The following RNF213 variants were observed in gnomAD, a reference collection of about 807,000 sequenced individuals.
RNF213 encodes E3 ubiquitin-protein ligase RNF213.
In RNF213, 341 loss-of-function variants were observed where a neutral mutation model predicts 514.4. The ratio of observed to expected loss-of-function variants is 0.66; its 90% confidence interval spans 0.61 to 0.73. RNF213 has a LOEUF of 0.73. RNF213 is among the 30% of genes least tolerant of loss of function. The probability of loss-of-function intolerance (pLI) is 0.00; values close to 1 mark genes in which losing one functional copy is unlikely to be tolerated. For synonymous variants in RNF213, 2,655 were observed against 2,658.2 expected (o/e 1.00, Z 0.04); for missense variants, 5,767 against 6,615.6 (o/e 0.87, Z 4.45).
At chr17:80,319,078 G>T (rs2046048314) in intron 16 of RNF213, 112 bp from the exon 17 acceptor site, 2 of 1,604,400 alleles carry the variant, frequency 1.2e-6, no homozygotes, top group African/African-American at 1.3e-5. Context: ...TTAAAATTGG[G>T]GGAAACAGTA....
intron 3 of RNF213, among the ~76,000 whole-genome samples, chr17:80,283,957 C>T (rs921690582): frequency 3.9e-5 from 6 of 152,220 alleles, no homozygotes; most frequent in Admixed American, 3.9e-4. Flanking sequence ...GGCACAGTGG[C>T]TCACACCTGT....
Position 80,346,999 on chromosome 17 carries a change from C to G in RNF213, c.8664C>G (p.Ala2888=), listed in dbSNP as rs1242816628. ...KVGFVGISNW[A]LDPAKMNRGI... ...GCTTCGTGGGCATCTCCAACTGGGC[C>G]CTTGACCCTGCCAAGATGAACCGGG... The change falls in exon 29 of 68, where the codon GCC becomes GCG. Residue 2888 remains alanine (A), a synonymous_variant. Transcript: ENST00000582970. The surrounding 1 kb of genome is among the most constrained non-coding windows in gnomAD (Gnocchi z 8.1). The G allele has an allele frequency of 8.7e-6, 14 of 1,613,748 alleles. No individual in the cohort carries two copies. The highest frequency in any genetic ancestry group is 1.7e-5 in the Admixed American group (1 of 59,958).
intron 30 of RNF213, 93 bp downstream of exon 30, chr17:80,349,999 C>A: frequency 7.3e-7 from 1 of 1,376,360 alleles, no homozygotes; most frequent in South Asian, 1.2e-5. Context: ...GGTTAATGAG[C>A]GCCACAGTCA....
At chr17:80,335,463 C>A (rs1166732530) in intron 22 of RNF213, among the ~76,000 whole-genome samples, 3 of 152,158 alleles carry the variant, frequency 2.0e-5, no homozygotes, top group African/African-American at 7.2e-5. Context: ...CTCTGGTCCA[C>A]ACTGATGCAC....
chr17:80,289,530 C>A, intron 5 of RNF213, 129 bp from the exon 6 acceptor site: 3 of 961,492 alleles, frequency 3.1e-6, no homozygotes, highest in Non-Finnish European at 3.2e-6. Flanking sequence ...GCGGAGGTTG[C>A]AGTGAGCTGA....
chr17:80,305,430 G>A (rs1376159163), intron 11 of RNF213, among the ~76,000 whole-genome samples: 10 of 151,470 alleles, frequency 6.6e-5, no homozygotes, highest in East Asian at 5.8e-4. Flanking sequence ...TGCCTGCCTC[G>A]GCCTCCCAAA....
intron 42 of RNF213, among the ~76,000 whole-genome samples, chr17:80,366,035 T>C (rs62076531): frequency 2.0e-5 from 3 of 152,198 alleles, no homozygotes; most frequent in African/African-American, 7.2e-5. Context: ...CCAAAGACCT[T>C]ACCTCGTTAG....
At chr17:80,367,598 C>CTG in intron 42 of RNF213, 150 bp from the exon 43 acceptor site, 2 of 660,004 alleles carry the variant, frequency 3.0e-6, no homozygotes, top group Non-Finnish European at 5.5e-6. Context: ...AGAGTTCAAG[C>CTG]GTTAAACACA....
chr17:80,282,555 C>T (rs973278762), intron 3 of RNF213, among the ~76,000 whole-genome samples: 2 of 152,156 alleles, frequency 1.3e-5, no homozygotes, highest in South Asian at 2.1e-4. Flanking sequence ...CCCACCACCA[C>T]GCCCAGCCAA....
intron 2 of RNF213, among the ~76,000 whole-genome samples, chr17:80,270,632 TAA>T: frequency 6.6e-6 from 1 of 152,280 alleles, no homozygotes; most frequent in East Asian, 1.9e-4. Flanking sequence ...CTTTGGAAGT[TAA>T]GAGACCACAT....
At chr17:80,292,070 G>A in intron 8 of RNF213, 1 of 582,168 alleles carries the variant, frequency 1.7e-6, no homozygotes, top group Non-Finnish European at 3.1e-6. Flanking sequence ...TCACTTGCAG[G>A]AGGAAACATG....
At chr17:80,319,386 T>C (rs1479835896) in intron 17 of RNF213, 74 bp downstream of exon 17, 1 of 1,614,224 alleles carries the variant, frequency 6.2e-7, no homozygotes, top group East Asian at 2.2e-5. Flanking sequence ...CTAAGGGCTA[T>C]GAAGCACCCG....
Position 80,372,696 on chromosome 17 carries a change from G to C in RNF213, c.12713G>C (p.Arg4238Thr). The change falls in exon 48 of 68, where the codon AGA (arginine) becomes ACA (threonine). Residue 4238 changes from arginine (R) to threonine (T), a missense_variant. Transcript: ENST00000582970. ...EVARIRLCLD[R>T]AADFLSEPEG... ...GCCCGGATCCGCCTCTGCCTCGACA[G>C]AGCTGCAGATTTCCTCTCGGAGCCT... The C allele has an allele frequency of 6.2e-7, 1 of 1,613,906 alleles. No homozygotes were observed. The highest frequency in any genetic ancestry group is 8.5e-7 in the Non-Finnish European group (1 of 1,180,038).
Position 80,345,878 on chromosome 17 carries a change from G to A in RNF213, c.7543G>A (p.Asp2515Asn), listed in dbSNP as rs1464477309. 1 of 1,614,172 alleles carries A rather than the reference G, an allele frequency of 6.2e-7. No individual in the cohort carries two copies. Among genetic ancestry groups the A allele is most frequent in the Non-Finnish European group, 8.5e-7 (1 of 1,180,048 alleles). ...GGTGGATGGCCAGCCTCTGGCTGAG[G>A]ACTCTGGCCTGCATATTATAGCTGC... ...HMVDGQPLAEDSGLHIIAACN... is the reference protein window; with the variant it reads ...HMVDGQPLAENSGLHIIAACN... Residue 2515 changes from aspartate (D) to asparagine (N), a missense_variant, in exon 29 of 68, where the codon GAC becomes AAC. Around this residue, in one of 13 missense-constraint regions of RNF213, gnomAD observed 1,377 missense variants for 1,635.2 expected, o/e 0.84. Coordinates refer to ENST00000582970, the MANE Select transcript of RNF213 (RefSeq NM_001256071.3). The surrounding 1 kb of genome is among the most constrained non-coding windows in gnomAD (Gnocchi z 6.0).
intron 12 of RNF213, 55 bp downstream of exon 12, chr17:80,306,523 A>C: frequency 6.6e-7 from 1 of 1,518,288 alleles, no homozygotes; most frequent in Non-Finnish European, 9.1e-7. Flanking sequence ...AGACTAGATA[A>C]CTAAACATGG....
At chr17:80,393,272 A>G (rs1312843631) in intron 67 of RNF213, 73 bp from the exon 68 acceptor site, 14 of 1,253,948 alleles carry the variant, frequency 1.1e-5, no homozygotes, top group Non-Finnish European at 1.5e-5. Flanking sequence ...TGAGCCACAC[A>G]GTGCTGGGCT....
intron 3 of RNF213, among the ~76,000 whole-genome samples, 200 bp from the exon 4 acceptor site, chr17:80,287,615 A>G (rs545685485): frequency 6.6e-6 from 1 of 152,312 alleles, no homozygotes; most frequent in East Asian, 1.9e-4. Flanking sequence ...CTTCAAGGCC[A>G]CTTGCCCCGA....
chr17:80,262,458 C>T (rs1367724197), intron 1 of RNF213, among the ~76,000 whole-genome samples: 1 of 152,012 alleles, frequency 6.6e-6, no homozygotes, highest in Non-Finnish European at 1.5e-5. Flanking sequence ...TGCAGATAAT[C>T]ACTCAGGTGA....
At chr17:80,268,217 C>T (rs573697031) in intron 2 of RNF213, among the ~76,000 whole-genome samples, 188 of 151,992 alleles carry the variant, frequency 1.2e-3, no homozygotes, top group African/African-American at 4.4e-3. Context: ...GATTCCATAT[C>T]TTGGCTATTG....
Sources: allele counts gnomAD v4.1 joint callset (sites outside exome capture counted in the v4.1 genomes callset), GRCh38; gene constraint gnomAD v4.1.1; regional missense constraint gnomAD v4.1.1; non-coding constraint Gnocchi (gnomAD v3.1); transcripts MANE v1.5; gene names NCBI Gene and HGNC (gene_info 2026-07-23, HGNC 2026-07-21).